The following SOX6 variants were observed in gnomAD, a reference collection of about 807,000 sequenced individuals.
SOX6 encodes the protein SRY-box transcription factor 6.
A neutral mutation model predicts 97.8 loss-of-function variants in SOX6; 11 were observed. The ratio of observed to expected loss-of-function variants is 0.11; its 90% CI spans 0.07 to 0.19. The LOEUF is 0.19. SOX6 is among the 10% of genes least tolerant of loss of function. SOX6 has a pLI of 1.00. For synonymous variants in SOX6, 360 were observed against 371.4 expected, an observed-to-expected ratio of 0.97 and a Z score of 0.35; for missense variants, 810 against 1,039.5, an observed-to-expected ratio of 0.78 and a Z score of 3.04.
upstream of SOX6, among the ~76,000 whole-genome samples, chr11:16,359,694 A>G (rs1260060973): frequency 6.6e-6 from 1 of 152,196 alleles, no homozygotes; most frequent in Non-Finnish European, 1.5e-5. Flanking sequence ...TGTTGAAAGA[A>G]GGTAGATGAA....
At chr11:16,176,497 G>A (rs1376652478) in intron 6 of SOX6, among the ~76,000 whole-genome samples, 1 of 151,812 alleles carries the variant, frequency 6.6e-6, no homozygotes, top group African/African-American at 2.4e-5. Flanking sequence ...AAGCCCTCAG[G>A]AAGTAGTATA....
At chr11:16,370,053 G>C (rs1445373452) in intron 1 of SOX6, among the ~76,000 whole-genome samples, 1 of 151,912 alleles carries the variant, frequency 6.6e-6, no homozygotes, top group Non-Finnish European at 1.5e-5. Context: ...TCCTCTCAGT[G>C]ATTACAGCAT....
At chr11:16,391,987 A>G (rs922756591) in intron 1 of SOX6, among the ~76,000 whole-genome samples, 2 of 152,256 alleles carry the variant, frequency 1.3e-5, no homozygotes, top group Admixed American at 1.3e-4. Context: ...GCAATACAAC[A>G]ATGGTACATA....
At chr11:16,621,915 T>C (rs975936511) in intron 3 of SOX6, among the ~76,000 whole-genome samples, 1 of 152,210 alleles carries the variant, frequency 6.6e-6, no homozygotes, top group Admixed American at 6.5e-5. Flanking sequence ...GCTGTCAAGT[T>C]ATCTGATTTG....
chr11:16,733,797 C>T (rs1241170802), intron 2 of SOX6, among the ~76,000 whole-genome samples: 8 of 149,844 alleles, frequency 5.3e-5, no homozygotes, highest in South Asian at 2.1e-4. Flanking sequence ...GAGGCCGAGG[C>T]GGGTGGATCA....
intron 4 of SOX6, among the ~76,000 whole-genome samples, chr11:16,191,282 C>A (rs1358971025): frequency 6.6e-6 from 1 of 152,046 alleles, no homozygotes; most frequent in African/African-American, 2.4e-5. Flanking sequence ...TAGTAAGAAC[C>A]TGTCTCTCCA....
chr11:16,082,835 T>C (rs757641727), intron 9 of SOX6, among the ~76,000 whole-genome samples: 1 of 152,186 alleles, frequency 6.6e-6, no homozygotes, highest in Non-Finnish European at 1.5e-5. Context: ...CCAAATTCCC[T>C]TGTGCAGTGT....
intron 12 of SOX6, among the ~76,000 whole-genome samples, chr11:16,044,508 G>T (rs7120490): frequency 6.6e-6 from 1 of 152,194 alleles, no homozygotes; most frequent in South Asian, 2.1e-4. Context: ...ATGCTCAGAA[G>T]AAAAAGTAGT....
intron 1 of SOX6, among the ~76,000 whole-genome samples, chr11:16,428,935 A>G (rs1195194149): frequency 6.6e-6 from 1 of 152,130 alleles, no homozygotes; most frequent in Non-Finnish European, 1.5e-5. Flanking sequence ...CATTTTCACG[A>G]TATTAATTCT....
intron 4 of SOX6, among the ~76,000 whole-genome samples, chr11:16,228,220 C>A (rs1483182239): frequency 6.8e-6 from 1 of 147,690 alleles, no homozygotes; most frequent in African/African-American, 2.4e-5. Context: ...AAAAATGAGA[C>A]CCCAACTGGG....
chr11:16,072,042 C>T (rs1481076672), intron 9 of SOX6, among the ~76,000 whole-genome samples: 1 of 152,156 alleles, frequency 6.6e-6, no homozygotes, highest in African/African-American at 2.4e-5. Flanking sequence ...TTTTTACCTT[C>T]AAATGACCAC....
chr11:16,429,702 G>C (rs1859230561), intron 1 of SOX6, among the ~76,000 whole-genome samples: 1 of 152,074 alleles, frequency 6.6e-6, no homozygotes, highest in Non-Finnish European at 1.5e-5. Context: ...AGAAGGGAGA[G>C]GATCAGGAAA....
chr11:15,974,925 C>T (rs1354826067), intron 15 of SOX6, among the ~76,000 whole-genome samples: 3 of 152,192 alleles, frequency 2.0e-5, no homozygotes, highest in Non-Finnish European at 4.4e-5. Flanking sequence ...GACCTTGCTT[C>T]AAGCCCTGCA....
At chr11:16,081,459 G>T (rs904385127) in intron 9 of SOX6, among the ~76,000 whole-genome samples, 2 of 152,076 alleles carry the variant, frequency 1.3e-5, no homozygotes, top group African/African-American at 4.8e-5. Context: ...ATTTAGGGGA[G>T]ATTTTTCTAA....
chr11:16,573,883 A>G (rs1214858835), intron 4 of SOX6, among the ~76,000 whole-genome samples: 2 of 152,166 alleles, frequency 1.3e-5, no homozygotes, highest in East Asian at 3.8e-4. Flanking sequence ...CTTATCAAAT[A>G]ACTTTTTGAC....
At chr11:16,139,151 G>C (rs1038901019) in intron 6 of SOX6, among the ~76,000 whole-genome samples, 1 of 152,046 alleles carries the variant, frequency 6.6e-6, no homozygotes, top group Non-Finnish European at 1.5e-5. Flanking sequence ...TGTTAATGTC[G>C]CCTGAGTAAT....
intron 12 of SOX6, among the ~76,000 whole-genome samples, chr11:16,036,209 A>G (rs1157700361): frequency 6.6e-6 from 1 of 151,498 alleles, no homozygotes; most frequent in Non-Finnish European, 1.5e-5. Context: ...CCTCCCGAGT[A>G]GCTGGGATTA....
chr11:16,054,885 A>T (rs1484741293), intron 10 of SOX6, among the ~76,000 whole-genome samples: 2 of 152,198 alleles, frequency 1.3e-5, no homozygotes, highest in African/African-American at 2.4e-5. Context: ...TATAGGTACC[A>T]GCTGCAGCAC....
chr11:15,974,746 C>T (rs576352377), intron 15 of SOX6, among the ~76,000 whole-genome samples: 2 of 152,260 alleles, frequency 1.3e-5, no homozygotes, highest in East Asian at 3.9e-4. Context: ...TTTAGAAACA[C>T]TCTGTGAGAT....
Sources: gnomAD v4.1 joint callset for allele counts (sites outside exome capture counted in the v4.1 genomes callset) on GRCh38, gnomAD v4.1.1 for gene constraint, MANE v1.5 for transcripts, NCBI Gene and HGNC (gene_info 2026-07-23, HGNC 2026-07-21) for gene names.